Variants in TAFA1 observed in about 807,000 individuals in gnomAD.
TAFA1 encodes the protein TAFA chemokine like family member 1, also known as chemokine-like protein TAFA-1.
Under a neutral mutation model 18.5 loss-of-function variants are expected in TAFA1, and 4 were observed. The ratio of observed to expected loss-of-function variants is 0.22; its 90% CI spans 0.11 to 0.49. The LOEUF (loss-of-function observed/expected upper bound fraction) is 0.49, where lower values mean the gene tolerates loss of function less well. TAFA1 is among the 20% of genes least tolerant of loss of function. The pLI is 0.98. For synonymous variants in TAFA1, 56 were observed against 55.2 expected (o/e 1.01, Z -0.06); for missense variants, 147 against 169.0 (o/e 0.87, Z 0.72).
chr3:68,464,439 C>A (rs1215102890), intron 3 of TAFA1, among the ~76,000 whole-genome samples: 2 of 152,080 alleles, frequency 1.3e-5, no homozygotes, highest in African/African-American at 4.8e-5. Context: ...CAAGGAGGAT[C>A]CCATCTGGTA....
chr3:68,243,598 G>T (rs2067030604), intron 2 of TAFA1, among the ~76,000 whole-genome samples: 1 of 152,026 alleles, frequency 6.6e-6, no homozygotes, highest in Non-Finnish European at 1.5e-5. Context: ...TAATTTCCTT[G>T]AGGTTCATCC....
intron 2 of TAFA1, among the ~76,000 whole-genome samples, chr3:68,090,728 G>T (rs188639969): frequency 6.6e-6 from 1 of 152,172 alleles, no homozygotes; most frequent in African/African-American, 2.4e-5. Flanking sequence ...ACTCAAAGAG[G>T]CTGGATGCCT....
chr3:68,462,095 AAG>A (rs2071794292), intron 3 of TAFA1, among the ~76,000 whole-genome samples: 1 of 152,102 alleles, frequency 6.6e-6, no homozygotes, highest in South Asian at 2.1e-4. Context: ...AAAAGACAAA[AAG>A]CTTAGAAGAT....
chr3:68,392,662 A>G (rs962943975), intron 2 of TAFA1, among the ~76,000 whole-genome samples: 1 of 152,166 alleles, frequency 6.6e-6, no homozygotes, highest in African/African-American at 2.4e-5. Flanking sequence ...ACAGTCTCTC[A>G]GACCACAGTG....
intron 2 of TAFA1, among the ~76,000 whole-genome samples, chr3:68,174,132 C>A (rs2066094458): frequency 1.3e-5 from 2 of 152,160 alleles, no homozygotes; most frequent in South Asian, 4.1e-4. Flanking sequence ...TGAATTTTAA[C>A]TGGATTGTGC....
Position 68,308,834 on chromosome 3 carries a change from G to A in TAFA1, c.119-108446G>A, listed in dbSNP as rs941047895. ...ACACTCACTCACTCACCTAAAAGTA[G>A]CAGGTAGTTGGAAAGCTTTGGTTTC... is the stretch of plus-strand genomic sequence containing the variant. On this transcript the variant is annotated intron_variant, in intron 2 of 4. Transcript: ENST00000478136. Among the ~76,000 whole-genome samples, 13 of 152,152 alleles carry A rather than the reference G, an allele frequency of 8.5e-5. No homozygotes were observed. In the South Asian group the frequency reaches 1.2e-3, roughly 15 times the overall value.
At chr3:68,465,907 G>C (rs538797658) in intron 3 of TAFA1, among the ~76,000 whole-genome samples, 9 of 152,036 alleles carry the variant, frequency 5.9e-5, no homozygotes, top group Admixed American at 5.2e-4. Flanking sequence ...GGAGTAAGGG[G>C]TGGGATAGGG....
At chr3:68,087,737 A>C (rs1024884918) in intron 2 of TAFA1, among the ~76,000 whole-genome samples, 44 of 152,216 alleles carry the variant, frequency 2.9e-4, no homozygotes, top group African/African-American at 9.6e-4. Flanking sequence ...AAATGAAGCA[A>C]CATACTTTGA....
intron 2 of TAFA1, chr3:68,145,563 C>G (rs1176362043): frequency 2.7e-6 from 4 of 1,465,158 alleles, no homozygotes; most frequent in Admixed American, 1.7e-5. Flanking sequence ...GAGCCTGCTC[C>G]ACTTCCCCCA....
chr3:68,126,196 T>C (rs1378518076), intron 2 of TAFA1, among the ~76,000 whole-genome samples: 1 of 152,220 alleles, frequency 6.6e-6, no homozygotes. Flanking sequence ...GCAAATCTAC[T>C]GTAAACTCCA....
intron 2 of TAFA1, among the ~76,000 whole-genome samples, chr3:68,148,333 T>C (rs1415603337): frequency 6.6e-6 from 1 of 152,254 alleles, no homozygotes; most frequent in Non-Finnish European, 1.5e-5. Flanking sequence ...CCTCCTTCTC[T>C]CATATCATTT....
chr3:68,483,688 C>A (rs1467413552), intron 3 of TAFA1, among the ~76,000 whole-genome samples: 1 of 152,180 alleles, frequency 6.6e-6, no homozygotes, highest in East Asian at 1.9e-4. Flanking sequence ...AAAAATACCT[C>A]CCTGAAACAG....
chr3:68,436,241 G>A (rs2071266830), intron 3 of TAFA1, among the ~76,000 whole-genome samples: 1 of 152,138 alleles, frequency 6.6e-6, no homozygotes, highest in African/African-American at 2.4e-5. Flanking sequence ...AGACATGAAA[G>A]GAATTCAACT....
chr3:68,461,772 G>C (rs1199205082), intron 3 of TAFA1, among the ~76,000 whole-genome samples: 1 of 151,810 alleles, frequency 6.6e-6, no homozygotes, highest in African/African-American at 2.4e-5. Flanking sequence ...CTCAGGACAA[G>C]ACCATAGACA....
At chr3:68,242,999 A>G (rs1396612239) in intron 2 of TAFA1, among the ~76,000 whole-genome samples, 1 of 152,184 alleles carries the variant, frequency 6.6e-6, no homozygotes, top group African/African-American at 2.4e-5. Context: ...GATTTTGGCT[A>G]AAAACTAGAT....
intron 2 of TAFA1, among the ~76,000 whole-genome samples, chr3:68,089,654 A>G (rs1411205617): frequency 6.6e-6 from 1 of 152,074 alleles, no homozygotes; most frequent in Non-Finnish European, 1.5e-5. Flanking sequence ...GACTCTGCCA[A>G]CTCCAATCTT....
chr3:68,303,743 C>T (rs1252540741), intron 2 of TAFA1, among the ~76,000 whole-genome samples: 1 of 152,068 alleles, frequency 6.6e-6, no homozygotes, highest in Non-Finnish European at 1.5e-5. Context: ...ACCACCGTGC[C>T]CGGCCTGAAA....
rs2065001857 is a variant in TAFA1, at chr3:68,088,951, G to A, written c.118+82207G>A. Reference sequence around the variant, plus strand: ...TGGTAACTAGGATGTAGGGGGAGAGGGAAGGAGATGTTCAATATAACTCTA... The same window carrying A: ...TGGTAACTAGGATGTAGGGGGAGAGAGAAGGAGATGTTCAATATAACTCTA... On this transcript the variant is annotated intron_variant, in intron 2 of 4. Transcript: ENST00000478136. 2.6e-5 allele frequency among the ~76,000 whole-genome samples: 4 copies of A among 152,162 alleles called. No homozygotes were observed. The South Asian group carries it at 8.3e-4, about 32-fold the overall frequency.
At chr3:68,487,904 A>G (rs545240999) in intron 3 of TAFA1, among the ~76,000 whole-genome samples, 2 of 151,426 alleles carry the variant, frequency 1.3e-5, no homozygotes, top group South Asian at 2.1e-4. Context: ...TTTTATTGGC[A>G]TGTATTGGAG....
Sources: allele counts gnomAD v4.1 joint callset (sites outside exome capture counted in the v4.1 genomes callset), GRCh38; gene constraint gnomAD v4.1.1; transcripts MANE v1.5; gene names NCBI Gene and HGNC (gene_info 2026-07-23, HGNC 2026-07-21).